Variants in NCAM2 observed in about 807,000 individuals in gnomAD.
NCAM2 encodes neural cell adhesion molecule 2, also known as N-CAM-2.
A neutral mutation model predicts 98.1 loss-of-function variants in NCAM2; 30 were observed. The observed-to-expected ratio is 0.31, with a 90% CI of 0.23 to 0.41. NCAM2 has a LOEUF of 0.41. Ranked by LOEUF, NCAM2 falls within the 10% of genes least tolerant of loss-of-function variation. The pLI is 1.00. For synonymous variants in NCAM2, 368 were observed against 342.4 expected (o/e 1.07, Z -0.83); for missense variants, 867 against 1,005.8 (o/e 0.86, Z 1.87).
chr21:21,092,325 T>C (rs919301641), intron 1 of NCAM2, among the ~76,000 whole-genome samples: 5 of 152,080 alleles, frequency 3.3e-5, no homozygotes, highest in Non-Finnish European at 7.4e-5. Context: ...AGACTTCTTA[T>C]AATATTTTCA....
intron 15 of NCAM2, among the ~76,000 whole-genome samples, chr21:21,494,179 T>C (rs1987046935): frequency 6.6e-6 from 1 of 151,950 alleles, no homozygotes; most frequent in Non-Finnish European, 1.5e-5. Flanking sequence ...AGAAGTTTTA[T>C]AAATAGTTAG....
chr21:21,450,793 T>TGTATGTATACACACAC (rs751489970), intron 12 of NCAM2, among the ~76,000 whole-genome samples: 1,929 of 143,374 alleles, frequency 0.013, 8 homozygotes, highest in South Asian at 0.023. Context: ...TATGTATGTA[T>TGTATGTATACACACAC]ACACACACAC....
At chr21:21,452,138 T>A (rs945064296) in intron 12 of NCAM2, among the ~76,000 whole-genome samples, 3 of 148,668 alleles carry the variant, frequency 2.0e-5, no homozygotes, top group South Asian at 2.1e-4. Context: ...GGAGGTTTTT[T>A]ATCTCCTCTG....
intron 1 of NCAM2, among the ~76,000 whole-genome samples, chr21:21,091,594 CAAG>C (rs2066013321): frequency 6.6e-6 from 1 of 151,994 alleles, no homozygotes; most frequent in African/African-American, 2.4e-5. Context: ...TGGCAGAAGG[CAAG>C]GAGGAGCAAG....
chr21:21,074,615 T>C (rs760715492), intron 1 of NCAM2, among the ~76,000 whole-genome samples: 5 of 152,178 alleles, frequency 3.3e-5, no homozygotes, highest in Admixed American at 6.5e-5. Context: ...GATTTCATTA[T>C]GGGAGTCGGG....
At chr21:21,522,876 G>A (rs1014771307) in intron 16 of NCAM2, among the ~76,000 whole-genome samples, 1 of 151,876 alleles carries the variant, frequency 6.6e-6, no homozygotes, top group Non-Finnish European at 1.5e-5. Context: ...CAACCACCTC[G>A]GCCTCCCAAA....
intron 1 of NCAM2, among the ~76,000 whole-genome samples, chr21:21,130,568 AT>A (rs1480673011): frequency 6.6e-6 from 1 of 152,158 alleles, no homozygotes; most frequent in Non-Finnish European, 1.5e-5. Context: ...CCGATAGATT[AT>A]TGGTAATCTG....
intron 1 of NCAM2, among the ~76,000 whole-genome samples, chr21:21,062,150 C>T (rs2065336043): frequency 6.6e-6 from 1 of 151,928 alleles, no homozygotes; most frequent in African/African-American, 2.4e-5. Context: ...AGTAAAATAT[C>T]TTGAAAAAGA....
At chr21:21,335,403 A>G in intron 6 of NCAM2, 102 bp from the exon 7 acceptor site, 2 of 794,142 alleles carry the variant, frequency 2.5e-6, no homozygotes, top group Non-Finnish European at 3.7e-6. Flanking sequence ...TTCAATGATG[A>G]TAGCCATATA....
intron 1 of NCAM2, among the ~76,000 whole-genome samples, chr21:21,113,396 A>G (rs1174603046): frequency 1.3e-5 from 2 of 151,788 alleles, no homozygotes; most frequent in African/African-American, 4.9e-5. Flanking sequence ...CTAATGTTTT[A>G]TATCTAAGCA....
At chr21:21,157,303 C>A (rs901049579) in intron 1 of NCAM2, among the ~76,000 whole-genome samples, 14 of 152,138 alleles carry the variant, frequency 9.2e-5, no homozygotes, top group African/African-American at 3.4e-4. Flanking sequence ...CTTTGCTGTG[C>A]TCTAGGCAAT....
At position 21,078,221 on chromosome 21, in the gene NCAM2, T is replaced by C. The variant is rs746210667; in HGVS notation, c.55+79603T>C. On this transcript the variant is annotated intron_variant, in intron 1 of 17. Coordinates refer to ENST00000400546, the MANE Select transcript of NCAM2 (RefSeq NM_004540.5). ...CCATTTTTATTAGGGAAAAATATAG[T>C]GCATTCATGTATTAGAGTGCTCAGG... Among the ~76,000 whole-genome samples the C allele has an allele frequency of 1.3e-3, 194 of 152,344 alleles. 2 individuals carry two copies. The highest frequency in any genetic ancestry group is 8.7e-4 in the Non-Finnish European group (59 of 68,040).
intron 1 of NCAM2, among the ~76,000 whole-genome samples, chr21:21,104,723 C>T (rs1405840326): frequency 1.3e-5 from 2 of 152,038 alleles, no homozygotes; most frequent in Non-Finnish European, 2.9e-5. Flanking sequence ...TACTAAGAGT[C>T]TTTAGTAATC....
intron 1 of NCAM2, among the ~76,000 whole-genome samples, chr21:20,999,471 C>CA (rs1209784876): frequency 6.6e-6 from 1 of 152,084 alleles, no homozygotes; most frequent in Non-Finnish European, 1.5e-5. Context: ...AGTAAACACT[C>CA]ACATGAAATA....
At chr21:21,037,380 T>C (rs1051222094) in intron 1 of NCAM2, among the ~76,000 whole-genome samples, 1 of 152,224 alleles carries the variant, frequency 6.6e-6, no homozygotes, top group African/African-American at 2.4e-5. Flanking sequence ...TTTCCTGTTA[T>C]GTTATATGTT....
intron 7 of NCAM2, 139 bp from the exon 8 acceptor site, chr21:21,338,250 G>T: frequency 1.3e-6 from 1 of 758,396 alleles, no homozygotes; most frequent in Admixed American, 3.5e-5. Context: ...CGTCTGTAAG[G>T]CAAAGCAGGC....
chr21:21,239,694 A>G (rs989481260), intron 1 of NCAM2, among the ~76,000 whole-genome samples: 1 of 152,096 alleles, frequency 6.6e-6, no homozygotes, highest in Admixed American at 6.6e-5. Context: ...CTGCTCTTAA[A>G]GCACATTTTA....
chr21:21,310,532 G>T (rs1288669328), intron 5 of NCAM2, among the ~76,000 whole-genome samples: 2 of 152,168 alleles, frequency 1.3e-5, no homozygotes, highest in African/African-American at 4.8e-5. Flanking sequence ...AATTAAAAAT[G>T]TTTTTCTGCT....
At chr21:21,360,657 C>T (rs983157600) in intron 8 of NCAM2, among the ~76,000 whole-genome samples, 1 of 151,912 alleles carries the variant, frequency 6.6e-6, no homozygotes, top group African/African-American at 2.4e-5. Flanking sequence ...TTACAATAAT[C>T]AGTGCATTAT....
Sources: gnomAD v4.1 joint callset for allele counts (sites outside exome capture counted in the v4.1 genomes callset) on GRCh38, gnomAD v4.1.1 for gene constraint, MANE v1.5 for transcripts, NCBI Gene and HGNC (gene_info 2026-07-23, HGNC 2026-07-21) for gene names.